The following NCAPH variants were observed in gnomAD, a reference collection of about 807,000 sequenced individuals.
NCAPH encodes non-SMC condensin I complex subunit H, also known as condensin complex subunit 2.
In NCAPH, 38 loss-of-function variants were observed where a neutral mutation model predicts 85.5. The observed-to-expected ratio is 0.44, with a 90% CI of 0.34 to 0.58. The LOEUF (loss-of-function observed/expected upper bound fraction) is 0.58. Among genes scored for constraint, NCAPH ranks in the 20% least tolerant of loss-of-function variants. The pLI is 0.01. For synonymous variants in NCAPH, 301 were observed against 335.1 expected (o/e 0.90, Z 1.11); for missense variants, 789 against 916.6 (o/e 0.86, Z 1.80).
rs1468009996 is a variant in NCAPH at position 96,366,064 on chromosome 2, G to A, written c.1881+6G>A. ...TGGTAGCTGAGCCTCAGAAGGTACG[G>A]ATGAAACAGCTGAGAATTACATTGT... On this transcript the variant is annotated splice_donor_region_variant and intron_variant, in intron 14 of 17. Transcript: ENST00000240423. 2.5e-6 allele frequency: 4 copies of A among 1,613,592 alleles called. No homozygotes were observed. Among genetic ancestry groups the A allele is most frequent in the South Asian group, 1.1e-5 (1 of 91,018 alleles).
chr2:96,347,493 A>C (rs1389250152), intron 6 of NCAPH, among the ~76,000 whole-genome samples: 1 of 152,170 alleles, frequency 6.6e-6, no homozygotes, highest in Non-Finnish European at 1.5e-5. Flanking sequence ...AACACCATTG[A>C]GAATACATAA....
chr2:96,352,956 T>A (rs1402448558), intron 7 of NCAPH, among the ~76,000 whole-genome samples: 1 of 152,264 alleles, frequency 6.6e-6, no homozygotes, highest in Non-Finnish European at 1.5e-5. Flanking sequence ...CTTGGTGTAT[T>A]TTTAAGACGA....
chr2:96,368,262 A>G (rs534808712), intron 15 of NCAPH, among the ~76,000 whole-genome samples: 1 of 152,348 alleles, frequency 6.6e-6, no homozygotes, highest in African/African-American at 2.4e-5. Flanking sequence ...ACAGAATGGG[A>G]TGCAAGTGTG....
intron 7 of NCAPH, among the ~76,000 whole-genome samples, chr2:96,352,291 C>A (rs2064455758): frequency 6.6e-6 from 1 of 152,326 alleles, no homozygotes; most frequent in Admixed American, 6.5e-5. Context: ...GCAGTCAGCT[C>A]TCCAAGTCAC....
intron 12 of NCAPH, among the ~76,000 whole-genome samples, chr2:96,362,357 C>T (rs1465647186): frequency 1.3e-5 from 2 of 152,088 alleles, no homozygotes; most frequent in Non-Finnish European, 2.9e-5. Flanking sequence ...AGGCCAGTCA[C>T]GATGGCTCAC....
chr2:96,364,557 C>G lies in NCAPH; in HGVS notation c.1664C>G (p.Pro555Arg). The G allele has an allele frequency of 6.2e-7, 1 of 1,613,520 alleles. No homozygotes were observed. The highest frequency in any genetic ancestry group is 8.5e-7 in the Non-Finnish European group (1 of 1,179,424). ...EEIEDYDYNN[P>R]NDTSNFCPGL... ...ATTGAAGACTATGATTACAACAACC[C>G]TAACGACACCTCCAACTTTTGCCCT... Residue 555 changes from proline to arginine, a missense_variant, in exon 13 of 18, where the codon CCT becomes CGT. Transcript: ENST00000240423.
intron 11 of NCAPH, 68 bp from the exon 12 acceptor site, chr2:96,360,520 T>G (rs2064590941): frequency 6.3e-7 from 1 of 1,581,030 alleles, no homozygotes; most frequent in Non-Finnish European, 8.7e-7. Context: ...CCAGACTGCT[T>G]TAAAAAAAGT....
intron 15 of NCAPH, 34 bp from the exon 16 acceptor site, chr2:96,368,938 C>T (rs1168543049): frequency 5.2e-6 from 8 of 1,547,182 alleles, no homozygotes; most frequent in African/African-American, 1.4e-5. Context: ...TGCACTAGCC[C>T]TAACTGTCCG....
chr2:96,364,947 T>A (rs1024997752), intron 13 of NCAPH, among the ~76,000 whole-genome samples: 1 of 152,160 alleles, frequency 6.6e-6, no homozygotes, highest in Admixed American at 6.5e-5. Flanking sequence ...GCTAATATTT[T>A]GGCCAGGTAG....
chr2:96,364,673 G>A, intron 13 of NCAPH, 82 bp downstream of exon 13: 1 of 977,662 alleles, frequency 1.0e-6, no homozygotes, highest in Non-Finnish European at 1.6e-6. Flanking sequence ...CATTTTATAT[G>A]GTGGGAGACT....
intron 6 of NCAPH, among the ~76,000 whole-genome samples, chr2:96,344,822 A>G (rs1054881091): frequency 6.6e-6 from 1 of 152,222 alleles, no homozygotes; most frequent in African/African-American, 2.4e-5. Context: ...TGTTACTACA[A>G]TTTTATTTTT....
At chr2:96,354,047 A>T (rs1573078833) in intron 8 of NCAPH, 136 bp from the exon 9 acceptor site, 3 of 806,266 alleles carry the variant, frequency 3.7e-6, no homozygotes, top group Admixed American at 4.4e-5. Flanking sequence ...CAGGCAGGGG[A>T]TGGGAAAGGG....
Position 96,367,326 on chromosome 2 carries a change from A to G in NCAPH, c.1951A>G (p.Met651Val), listed in dbSNP as rs1221987478. ...GGACATGAAGAAACTGAAGCAGAGCATGTGGAGTCTGCTGACAGCGCTCTC... is the reference window on the plus strand; with the variant it reads ...GGACATGAAGAAACTGAAGCAGAGCGTGTGGAGTCTGCTGACAGCGCTCTC... ...KMDMKKLKQS[M>V]WSLLTALSGK... Residue 651 changes from methionine (M) to valine (V), a missense_variant, in exon 15 of 18, where the codon ATG (methionine) becomes GTG (valine). By Grantham distance (21) the Met-to-Val change is conservative. Coordinates refer to ENST00000240423, the MANE Select transcript of NCAPH (RefSeq NM_015341.5). 5.0e-6 allele frequency: 8 copies of G among 1,613,804 alleles called. No homozygotes were observed. The highest frequency in any genetic ancestry group is 2.2e-5 in the East Asian group (1 of 44,874).
At chr2:96,335,929 C>A in intron 1 of NCAPH, 81 bp downstream of exon 1, 1 of 1,363,436 alleles carries the variant, frequency 7.3e-7, no homozygotes, top group Non-Finnish European at 9.6e-7. Context: ...GGCGGGCTGG[C>A]CTGGGCGGGG....
At position 96,336,813 on chromosome 2, in the gene NCAPH, A is replaced by C. The variant is rs554584872; in HGVS notation, c.19+965A>C. On this transcript the variant is annotated intron_variant, in intron 1 of 17. Coordinates refer to ENST00000240423, the MANE Select transcript of NCAPH (RefSeq NM_015341.5). ...AACCATGGGAACAGGTGAGAACACT[A>C]GGAAGGCCCTGCACATCTAGGACCA... is the stretch of plus-strand genomic sequence containing the variant. 2.0e-5 allele frequency among the ~76,000 whole-genome samples: 3 copies of C among 152,342 alleles called. No individual in the cohort carries two copies. The East Asian group carries it at 5.8e-4, about 29-fold the overall frequency.
chr2:96,370,242 G>C (rs1187947096), intron 17 of NCAPH, among the ~76,000 whole-genome samples: 2 of 152,242 alleles, frequency 1.3e-5, no homozygotes, highest in Non-Finnish European at 2.9e-5. Flanking sequence ...CTATGGGCTG[G>C]GCCATGGCGT....
intron 6 of NCAPH, among the ~76,000 whole-genome samples, chr2:96,346,959 C>T (rs747068814): frequency 2.0e-5 from 3 of 152,090 alleles, no homozygotes; most frequent in Non-Finnish European, 4.4e-5. Context: ...ATAAGAGCTA[C>T]ACCAGGAATA....
At chr2:96,354,083 G>T (rs1214170846) in intron 8 of NCAPH, 100 bp from the exon 9 acceptor site, 23 of 1,198,758 alleles carry the variant, frequency 1.9e-5, no homozygotes, top group Non-Finnish European at 2.6e-5. Context: ...GAAGGAGGAG[G>T]CTGGAAACTG....
chr2:96,361,559 A>G (rs1190846819), intron 12 of NCAPH, among the ~76,000 whole-genome samples: 2 of 151,640 alleles, frequency 1.3e-5, no homozygotes, highest in Non-Finnish European at 2.9e-5. Flanking sequence ...TTGCACCCTG[A>G]TTACTGCCTC....
Sources: gnomAD v4.1 joint callset for allele counts (sites outside exome capture counted in the v4.1 genomes callset) on GRCh38, gnomAD v4.1.1 for gene constraint, MANE v1.5 for transcripts, NCBI Gene and HGNC (gene_info 2026-07-23, HGNC 2026-07-21) for gene names.